DHX29: variants seen among roughly 807,000 people sequenced by gnomAD.
The protein encoded by DHX29 is DExH-box helicase 29.
DHX29 carries 79 observed loss-of-function variants against 167.9 expected under a neutral mutation model. The observed-to-expected ratio is 0.47, with a 90% CI of 0.39 to 0.57. The LOEUF is 0.57. DHX29 is among the 20% of genes least tolerant of loss of function. The pLI is 0.00. For missense variants in DHX29, 1,347 were observed against 1,593.4 expected, an observed-to-expected ratio of 0.85 and a Z score of 2.63; for synonymous variants, 530 against 546.0, an observed-to-expected ratio of 0.97 and a Z score of 0.41.
chr5:55,270,310 G>T, intron 20 of DHX29, 102 bp downstream of exon 20: 1 of 1,313,460 alleles, frequency 7.6e-7, no homozygotes, highest in Non-Finnish European at 1.0e-6. Flanking sequence ...GAGTAAAAAA[G>T]TTGAAAATCT....
chr5:55,266,134 G>A (rs1289490024), intron 23 of DHX29, among the ~76,000 whole-genome samples: 1 of 151,944 alleles, frequency 6.6e-6, no homozygotes, highest in African/African-American at 2.4e-5. Flanking sequence ...GAGTATTTGG[G>A]ATTACAGGTG....
At chr5:55,257,367 G>A (rs1746103418) in intron 26 of DHX29, among the ~76,000 whole-genome samples, 1 of 152,132 alleles carries the variant, frequency 6.6e-6, no homozygotes, top group African/African-American at 2.4e-5. Flanking sequence ...TGGGAGGGAG[G>A]GGAAAAAGAG....
In DHX29 at chr5:55,307,619, T is replaced by C; in HGVS notation, c.-46A>G. 1 of 1,605,126 alleles carries C rather than the reference T, an allele frequency of 6.2e-7. No individual in the cohort carries two copies. Among genetic ancestry groups the C allele is most frequent in the Non-Finnish European group, 8.5e-7 (1 of 1,176,458 alleles). On this transcript the variant is annotated 5_prime_UTR_variant, in exon 1 of 27. Transcript: ENST00000251636. ...TCCTTCGCGGCCCAGGCCCCGACGG[T>C]ACCACTGCACAGCCGAGAGCTCTTC...
intron 26 of DHX29, among the ~76,000 whole-genome samples, chr5:55,257,466 C>G (rs996676288): frequency 6.6e-6 from 1 of 152,134 alleles, no homozygotes; most frequent in African/African-American, 2.4e-5. Flanking sequence ...TCACTCTCGC[C>G]TAGGCTGTAG....
chr5:55,277,319 A>G (rs1462983301), intron 12 of DHX29, 37 bp from the exon 13 acceptor site: 5 of 1,404,804 alleles, frequency 3.6e-6, no homozygotes, highest in African/African-American at 2.9e-5. Flanking sequence ...TTCATCATAT[A>G]TTGTATAAAT....
At position 55,283,263 on chromosome 5, in the gene DHX29, T is replaced by G. The variant is rs777063251; in HGVS notation, c.1905A>C (p.Ala635=). The G allele has an allele frequency of 1.9e-6, 3 of 1,612,998 alleles. No individual in the cohort carries two copies. Among genetic ancestry groups the G allele is most frequent in the Non-Finnish European group, 1.7e-6 (2 of 1,179,144 alleles). ...IVCTQPRRIS[A]VSLANRVCDE... ...CACATACTCTGTTGGCTAAACTAAC[T>G]GCTGAGATTCTTCGGGGTTGGGTAC... The change falls in exon 11 of 27, where the codon GCA becomes GCC. Residue 635 remains alanine (A), a synonymous_variant. Transcript: ENST00000251636.
At chr5:55,306,504 T>C (rs1481618273) in intron 1 of DHX29, among the ~76,000 whole-genome samples, 3 of 151,744 alleles carry the variant, frequency 2.0e-5, no homozygotes, top group African/African-American at 7.3e-5. Flanking sequence ...GTGGCACTTA[T>C]CTATTATAAG....
intron 25 of DHX29, among the ~76,000 whole-genome samples, chr5:55,260,240 T>C (rs1330518290): frequency 2.0e-5 from 3 of 152,090 alleles, no homozygotes; most frequent in African/African-American, 7.2e-5. Context: ...GAGGGAAATT[T>C]TTTTTTTTTG....
chr5:55,304,773 C>T (rs1467585358), intron 1 of DHX29, among the ~76,000 whole-genome samples: 4 of 151,708 alleles, frequency 2.6e-5, no homozygotes, highest in South Asian at 2.1e-4. Flanking sequence ...TGAACCTCTA[C>T]GATAGAGGAC....
chr5:55,290,086 A>G (rs1561161838), intron 7 of DHX29, 132 bp downstream of exon 7: 2 of 1,079,354 alleles, frequency 1.9e-6, no homozygotes, highest in Non-Finnish European at 2.6e-6. Context: ...TATTATTTTA[A>G]AAGTTTGCTA....
intron 6 of DHX29, among the ~76,000 whole-genome samples, chr5:55,291,877 T>C (rs188505384): frequency 1.3e-5 from 2 of 152,362 alleles, no homozygotes; most frequent in Admixed American, 1.3e-4. Context: ...GGCTGAATAC[T>C]ATTCAGTTTG....
Position 55,267,189 on chromosome 5 carries a change from G to A in DHX29, c.3474C>T (p.Ile1158=). Residue 1158 remains isoleucine, a synonymous_variant, in exon 23 of 27, where the codon ATC becomes ATT. Coordinates refer to ENST00000251636, the MANE Select transcript of DHX29 (RefSeq NM_019030.4). ...ARQEGGYRSE[I]TYCRRNFLNR... ...TAAGAAAGTTCCTCCGGCAGTATGT[G>A]ATTTCAGAACGATAACCTCCTTCTT... 1 of 1,613,078 alleles carries A rather than the reference G, an allele frequency of 6.2e-7. No homozygotes were observed.
chr5:55,274,377 G>C (rs563202259), intron 16 of DHX29, among the ~76,000 whole-genome samples: 3 of 152,246 alleles, frequency 2.0e-5, no homozygotes, highest in Admixed American at 2.0e-4. Context: ...CTGGGCAACA[G>C]AGAGAGAATC....
chr5:55,264,572 A>G (rs1746464943), intron 23 of DHX29, among the ~76,000 whole-genome samples: 1 of 152,236 alleles, frequency 6.6e-6, no homozygotes, highest in African/African-American at 2.4e-5. Flanking sequence ...AAAGCAAGGA[A>G]GCCATCAAAG....
chr5:55,287,639 G>A (rs1369307090), intron 8 of DHX29, among the ~76,000 whole-genome samples: 3 of 152,016 alleles, frequency 2.0e-5, no homozygotes, highest in African/African-American at 7.2e-5. Context: ...AGACCATCCA[G>A]TCTTGTCTTC....
Position 55,256,539 on chromosome 5 carries a change from ATC to A in DHX29, c.4058-1_4058del, listed in dbSNP as rs1746065757. ...CCGTAATGATCTGCAGAATCTTGTC[ATC>A]TGAGTGGAAGGAAAAAAAAAAGCCA... On this transcript the variant is annotated splice_acceptor_variant and coding_sequence_variant, in exon 27 of 27. Coordinates refer to ENST00000251636, the MANE Select transcript of DHX29 (RefSeq NM_019030.4). LOFTEE classifies it high-confidence loss of function. 6.3e-7 allele frequency: 1 copy of A among 1,590,400 alleles called. No individual in the cohort carries two copies. The highest frequency in any genetic ancestry group is 1.2e-5 in the South Asian group (1 of 85,600).
intron 7 of DHX29, among the ~76,000 whole-genome samples, chr5:55,289,662 T>C (rs990842842): frequency 1.3e-5 from 2 of 152,084 alleles, no homozygotes; most frequent in African/African-American, 2.4e-5. Flanking sequence ...TCACAACATA[T>C]ACAAAAATTT....
chr5:55,281,308 G>T, intron 12 of DHX29, 64 bp downstream of exon 12: 3 of 1,347,004 alleles, frequency 2.2e-6, no homozygotes, highest in Non-Finnish European at 2.0e-6. Context: ...CTAGTATTAG[G>T]AGTAACATCT....
In DHX29 at chr5:55,283,351, G is replaced by A; in HGVS notation, c.1817C>T (p.Pro606Leu). ...ETGSGKSTQV[P>L]HFLLEDLLLN... The stretch of plus-strand genomic sequence containing the variant: ...AAGCAAATCTTCCAATAGAAAATGT[G>A]GTACCTGAGTACTTTTACCACTCCC... Residue 606 changes from proline (P) to leucine (L), a missense_variant, in exon 11 of 27, where the codon CCA (proline) becomes CTA (leucine). This residue lies in a region of DHX29 where 882 missense variants were observed against 1,082.4 expected (regional missense o/e 0.81). Transcript: ENST00000251636. The A allele has an allele frequency of 1.2e-6, 2 of 1,614,124 alleles. No homozygotes were observed. Among genetic ancestry groups the A allele is most frequent in the Non-Finnish European group, 1.7e-6 (2 of 1,180,002 alleles).
Sources: gnomAD v4.1 joint callset for allele counts (sites outside exome capture counted in the v4.1 genomes callset) on GRCh38, gnomAD v4.1.1 for gene constraint, gnomAD v4.1.1 regional missense constraint, MANE v1.5 for transcripts, NCBI Gene and HGNC (gene_info 2026-07-23, HGNC 2026-07-21) for gene names.